Variants in SLIT3 observed in about 807,000 individuals in gnomAD.
SLIT3 encodes the protein slit homolog 3 protein.
SLIT3 carries 68 observed loss-of-function variants against 184.0 expected under a neutral mutation model. That is an observed-to-expected ratio of 0.37 (90% confidence interval 0.30 to 0.45). The LOEUF is 0.45. Ranked by LOEUF, SLIT3 falls within the 20% of genes least tolerant of loss-of-function variation. SLIT3 has a pLI of 1.00. For missense variants in SLIT3, 1,707 were observed against 2,026.0 expected (o/e 0.84, Z 3.02); for synonymous variants, 831 against 828.6 (o/e 1.00, Z -0.05).
chr5:169,046,596 T>C (rs80245410), intron 4 of SLIT3, among the ~76,000 whole-genome samples: 4,840 of 152,204 alleles, frequency 0.032, 199 homozygotes, highest in East Asian at 0.099. Flanking sequence ...CATGCAAGGG[T>C]TGAGAATCAC....
intron 1 of SLIT3, among the ~76,000 whole-genome samples, chr5:169,298,715 G>A (rs976676885): frequency 6.6e-6 from 1 of 152,164 alleles, no homozygotes; most frequent in Non-Finnish European, 1.5e-5. Context: ...TAACGGTTGT[G>A]GGCTTAGGAA....
rs116283479 is a variant in SLIT3, at chr5:168,864,771, C to T, written c.485+18494G>A. 9.2e-3 allele frequency among the ~76,000 whole-genome samples: 1,396 copies of T among 152,318 alleles called. 19 individuals are homozygous for T. Among genetic ancestry groups the T allele is most frequent in the African/African-American group, 0.031 (1,289 of 41,558 alleles). Reference sequence around the variant, plus strand: ...CATATATACTGATGAAGGCTTTCTTCGCAATTTACATTAGTTTTCTAAGAC... The same window carrying T: ...CATATATACTGATGAAGGCTTTCTTTGCAATTTACATTAGTTTTCTAAGAC... On this transcript the variant is annotated intron_variant, in intron 5 of 35. Coordinates refer to ENST00000519560, the MANE Select transcript of SLIT3 (RefSeq NM_003062.4).
At chr5:168,833,268 C>G (rs1757936055) in intron 6 of SLIT3, among the ~76,000 whole-genome samples, 2 of 152,218 alleles carry the variant, frequency 1.3e-5, no homozygotes, top group Admixed American at 1.3e-4. Flanking sequence ...AAAAGCTGCA[C>G]AGGGTGCATG....
In SLIT3 at chr5:169,229,725, A is replaced by G. The variant is rs150599617; in HGVS notation, c.341+14980T>C. ...GATGAGGGAGAGGAGCAGTGCTGAA[A>G]TCACTGAGTGATGGCTGTGCCGATC... is the stretch of plus-strand genomic sequence containing the variant. On this transcript the variant is annotated intron_variant, in intron 3 of 35. Transcript: ENST00000519560. Among the ~76,000 whole-genome samples, 1,131 of 152,048 alleles carry G rather than the reference A, an allele frequency of 7.4e-3. 23 individuals carry two copies. The highest frequency in any genetic ancestry group is 0.026 in the African/African-American group (1,063 of 41,458).
intron 3 of SLIT3, among the ~76,000 whole-genome samples, chr5:169,199,175 A>G (rs1008594534): frequency 6.6e-6 from 1 of 152,040 alleles, no homozygotes; most frequent in Non-Finnish European, 1.5e-5. Flanking sequence ...AGTGCAGCTG[A>G]AGTGTAGGAG....
At chr5:169,206,728 GCATTTACATCTA>G (rs1473448048) in intron 3 of SLIT3, among the ~76,000 whole-genome samples, 3 of 152,106 alleles carry the variant, frequency 2.0e-5, no homozygotes, top group Non-Finnish European at 2.9e-5. Context: ...GTTTATCTAG[GCATTTACATCTA>G]CATTTACATA....
intron 4 of SLIT3, among the ~76,000 whole-genome samples, chr5:169,054,216 TAAAA>T (rs35649544): frequency 1.4e-5 from 1 of 69,788 alleles, no homozygotes. Context: ...AGAGAGACAC[TAAAA>T]AAAAAAAAAA....
At chr5:169,047,052 G>A (rs1050897132) in intron 4 of SLIT3, among the ~76,000 whole-genome samples, 7 of 152,062 alleles carry the variant, frequency 4.6e-5, no homozygotes, top group South Asian at 2.1e-4. Context: ...AGTTCTATTC[G>A]TAGACTGGAG....
chr5:168,906,440 G>C (rs904823674), intron 4 of SLIT3, among the ~76,000 whole-genome samples: 1 of 152,184 alleles, frequency 6.6e-6, no homozygotes, highest in African/African-American at 2.4e-5. Flanking sequence ...TTTAAAATAA[G>C]TGAGATTTAG....
At chr5:168,695,848 C>A (rs1762048292) in intron 28 of SLIT3, among the ~76,000 whole-genome samples, 2 of 152,182 alleles carry the variant, frequency 1.3e-5, no homozygotes, top group African/African-American at 4.8e-5. Context: ...TGACTATAAA[C>A]TTCTTATGAG....
At position 169,205,693 on chromosome 5, in the gene SLIT3, T is replaced by C. The variant is rs530998118; in HGVS notation, c.342-12143A>G. 2.0e-5 allele frequency among the ~76,000 whole-genome samples: 3 copies of C among 152,296 alleles called. No homozygotes were observed. The East Asian group carries it at 5.8e-4, about 29-fold the overall frequency. On this transcript the variant is annotated intron_variant, in intron 3 of 35. Transcript: ENST00000519560. The stretch of plus-strand genomic sequence containing the variant: ...ACAGATGAGCCAAAGGGGGCAAACT[T>C]TGTGAAGAACTGAAAGTGCTATAAG...
chr5:168,751,001 G>C (rs1343215724), intron 18 of SLIT3, among the ~76,000 whole-genome samples: 1 of 151,998 alleles, frequency 6.6e-6, no homozygotes, highest in African/African-American at 2.4e-5. Flanking sequence ...GGGGTAGAAC[G>C]GGGTGAGGCA....
In SLIT3 at chr5:168,707,952, G is replaced by C. The variant is rs3733973; in HGVS notation, c.2844+24C>G. 3.7e-6 allele frequency: 6 copies of C among 1,612,960 alleles called. 1 individual carries two copies. The highest frequency in any genetic ancestry group is 5.1e-6 in the Non-Finnish European group (6 of 1,179,292). ...AAGGAGGAGCCTGAGGCATGAACACGGGGGGGCAGGGCCTCCAGCATACCT... is the reference window on the plus strand; with the variant it reads ...AAGGAGGAGCCTGAGGCATGAACACCGGGGGGCAGGGCCTCCAGCATACCT... On this transcript the variant is annotated intron_variant, in intron 26 of 35. Coordinates refer to ENST00000519560, the MANE Select transcript of SLIT3 (RefSeq NM_003062.4).
chr5:168,902,483 A>G (rs1045612058), intron 4 of SLIT3, among the ~76,000 whole-genome samples: 5 of 152,236 alleles, frequency 3.3e-5, no homozygotes, highest in African/African-American at 7.2e-5. Context: ...CAGAGGAAGT[A>G]CAGCTTAAAC....
intron 4 of SLIT3, among the ~76,000 whole-genome samples, chr5:168,968,016 T>C (rs6883989): frequency 0.069 from 10,505 of 152,240 alleles, 903 homozygotes; most frequent in African/African-American, 0.2. Context: ...AATTCCTTCC[T>C]CATGGCTCTC....
intron 3 of SLIT3, among the ~76,000 whole-genome samples, chr5:169,236,206 C>G (rs1356160174): frequency 6.6e-6 from 1 of 152,140 alleles, no homozygotes; most frequent in Non-Finnish European, 1.5e-5. Context: ...ATTGTTCCAG[C>G]TTTGGCCACT....
chr5:168,683,987 G>A lies in SLIT3; in HGVS notation c.3665C>T (p.Ser1222Phe). 1.3e-6 allele frequency: 2 copies of A among 1,592,870 alleles called. No individual in the cohort carries two copies. Among genetic ancestry groups the A allele is most frequent in the Non-Finnish European group, 1.7e-6 (2 of 1,168,402 alleles). The change falls in exon 32 of 36, where the codon TCC becomes TTC. Residue 1222 changes from serine (S) to phenylalanine (F), a missense_variant. Ser to Phe is a radical substitution (Grantham distance 155, BLOSUM62 -2). This residue lies in a region of SLIT3 where 387 missense variants were observed against 477.9 expected (regional missense o/e 0.81). Transcript: ENST00000519560. Reference protein sequence around the residue: ...HVRLVYDSLSSPPTTVYSVET... With the variant: ...HVRLVYDSLSFPPTTVYSVET... ...TTACCTGTACACTGTGGTTGGAGGGGAACTCAGGCTGTCATAGACCAGCCG... is the reference window on the plus strand; with the variant it reads ...TTACCTGTACACTGTGGTTGGAGGGAAACTCAGGCTGTCATAGACCAGCCG...
intron 4 of SLIT3, among the ~76,000 whole-genome samples, chr5:169,179,276 C>T (rs377185566): frequency 3.1e-3 from 393 of 124,954 alleles, no homozygotes; most frequent in Middle Eastern, 4.3e-3. Flanking sequence ...ATTCCTTTTT[C>T]TTTTTTTTTT....
intron 5 of SLIT3, among the ~76,000 whole-genome samples, chr5:168,855,446 T>C (rs1758829812): frequency 6.6e-6 from 1 of 152,130 alleles, no homozygotes; most frequent in South Asian, 2.1e-4. Context: ...CCATTCACAA[T>C]AGCCAAAAGG....
Sources: allele counts gnomAD v4.1 joint callset (sites outside exome capture counted in the v4.1 genomes callset), GRCh38; gene constraint gnomAD v4.1.1; regional missense constraint gnomAD v4.1.1; transcripts MANE v1.5; gene names NCBI Gene and HGNC (gene_info 2026-07-23, HGNC 2026-07-21).